Variants in PDGFB observed in about 807,000 individuals in gnomAD.
PDGFB encodes platelet derived growth factor subunit B, also known as platelet-derived growth factor subunit B.
PDGFB carries 6 observed loss-of-function variants against 29.0 expected under a neutral mutation model. The ratio of observed to expected loss-of-function variants is 0.21; its 90% CI spans 0.11 to 0.41. The LOEUF (loss-of-function observed/expected upper bound fraction) is 0.41, where lower values mean the gene tolerates loss of function less well. PDGFB is among the 10% of genes least tolerant of loss of function. PDGFB has a pLI of 1.00. For missense variants in PDGFB, 299 were observed against 341.8 expected (o/e 0.87, Z 0.99); for synonymous variants, 144 against 140.8 (o/e 1.02, Z -0.16).
At chr22:39,239,211 T>C (rs188316590) in intron 1 of PDGFB, among the ~76,000 whole-genome samples, 59 of 152,248 alleles carry the variant, frequency 3.9e-4, no homozygotes, top group Middle Eastern at 3.4e-3. Context: ...CAGCAGCGAG[T>C]GGCACACGTG....
In PDGFB at chr22:39,243,778, C is replaced by T. The variant is rs1932626815; in HGVS notation, c.63+123G>A. ...CCCAGCCCGAAGAGGTCACCCAGCG[C>T]CCGGCGTCAGGCTCGCGGGCTGCAA... On this transcript the variant is annotated intron_variant, in intron 1 of 6. Transcript: ENST00000331163. The surrounding 1 kb of genome is among the most constrained non-coding windows in gnomAD (Gnocchi z 6.4). 2 of 697,706 alleles carry T rather than the reference C, an allele frequency of 2.9e-6. No homozygotes were observed. Among genetic ancestry groups the T allele is most frequent in the South Asian group, 2.2e-5 (1 of 46,058 alleles). The allele number at this position is 697,706 out of a possible 1,614,324, so 43.2% of individuals were successfully genotyped here. A position where few individuals can be genotyped will look rare whatever the true frequency, so the allele number is the denominator to read the frequency against.
chr22:39,233,547 A>G, intron 2 of PDGFB, 23 bp from the exon 3 acceptor site: 1 of 1,553,336 alleles, frequency 6.4e-7, no homozygotes, highest in Non-Finnish European at 8.7e-7. Context: ...TCACAGTCAG[A>G]CACCAGGCGG....
intron 1 of PDGFB, 59 bp from the exon 2 acceptor site, chr22:39,235,933 T>C (rs1932433174): frequency 3.5e-6 from 4 of 1,139,808 alleles, no homozygotes; most frequent in Admixed American, 3.5e-5. Flanking sequence ...CCAGCATGGC[T>C]GTCTCCCCCA....
chr22:39,240,884 T>C lies in PDGFB; in HGVS notation c.63+3017A>G, dbSNP rs1224179220. 3 of 1,612,360 alleles carry C rather than the reference T, an allele frequency of 1.9e-6. No individual in the cohort carries two copies. In the Admixed American group the frequency reaches 5.0e-5, roughly 27 times the overall value. ...CCCATGATAAACATCTCACCATTCCTGCTCAGTCAGTCTCTCTCTCTCTCT... is the reference window on the plus strand; with the variant it reads ...CCCATGATAAACATCTCACCATTCCCGCTCAGTCAGTCTCTCTCTCTCTCT... On this transcript the variant is annotated intron_variant, in intron 1 of 6. Coordinates refer to ENST00000331163, the MANE Select transcript of PDGFB (RefSeq NM_002608.4).
intron 1 of PDGFB, chr22:39,240,974 C>A (rs1483296183): frequency 1.9e-5 from 25 of 1,315,124 alleles, no homozygotes; most frequent in Non-Finnish European, 2.7e-5. Context: ...GGCTCTTGCA[C>A]CAGATCCTCC....
chr22:39,241,842 C>T (rs542216535), intron 1 of PDGFB, among the ~76,000 whole-genome samples: 1 of 152,030 alleles, frequency 6.6e-6, no homozygotes. Flanking sequence ...TTTTCCACCA[C>T]GCGGAGGTGG....
In PDGFB at chr22:39,242,333, T is replaced by C; in HGVS notation, c.63+1568A>G. ...AGTCGGGGGCCCGGGCGGGGTGGGC[T>C]GCGGAGAGCAGCCACGGGGCGCCGC... is the stretch of plus-strand genomic sequence containing the variant. On this transcript the variant is annotated intron_variant, in intron 1 of 6. Coordinates refer to ENST00000331163, the MANE Select transcript of PDGFB (RefSeq NM_002608.4). The surrounding 1 kb of genome is among the most constrained non-coding windows in gnomAD (Gnocchi z 5.7). 5.4e-6 allele frequency: 1 copy of C among 185,998 alleles called. No individual in the cohort carries two copies. Among genetic ancestry groups the C allele is most frequent in the East Asian group, 8.9e-5 (1 of 11,226 alleles). 11.5% of individuals were successfully genotyped at this position (185,998 alleles called of 1,614,324 possible).
In PDGFB at chr22:39,231,460, C is replaced by G. The variant is rs1339510121; in HGVS notation, c.456+162G>C. On this transcript the variant is annotated intron_variant, in intron 4 of 6. Coordinates refer to ENST00000331163, the MANE Select transcript of PDGFB (RefSeq NM_002608.4). This position sits in a 1 kb window ranked among gnomAD's most constrained non-coding sequence, Gnocchi z 4.3. ...CAGTCCACCTGCCTAGGAAGAGCTT[C>G]CCAAGAGTGGGCCTCTCTGGACAGA... is the stretch of plus-strand genomic sequence containing the variant. Among the ~76,000 whole-genome samples, 2 of 151,690 alleles carry G rather than the reference C, an allele frequency of 1.3e-5. No individual in the cohort carries two copies. Among genetic ancestry groups the G allele is most frequent in the Non-Finnish European group, 2.9e-5 (2 of 67,912 alleles).
intron 4 of PDGFB, among the ~76,000 whole-genome samples, chr22:39,230,567 G>A (rs13053714): frequency 0.044 from 6,714 of 152,290 alleles, 159 homozygotes; most frequent in East Asian, 0.11. Context: ...CGGCAGAGGC[G>A]GGAGATGGTT....
At chr22:39,234,219 C>T (rs1397041247) in intron 2 of PDGFB, among the ~76,000 whole-genome samples, 10 of 152,212 alleles carry the variant, frequency 6.6e-5, no homozygotes, top group Non-Finnish European at 2.9e-5. Flanking sequence ...CCCACCTCTG[C>T]CCCCAGCCGT....
Position 39,231,495 on chromosome 22 carries a change from C to T in PDGFB, c.456+127G>A. 1.3e-6 allele frequency: 1 copy of T among 750,058 alleles called. No individual in the cohort carries two copies. Among genetic ancestry groups the T allele is most frequent in the Non-Finnish European group, 2.1e-6 (1 of 473,290 alleles). 46.5% of individuals were successfully genotyped at this position (750,058 alleles called of 1,614,324 possible). A position where few individuals can be genotyped will look rare whatever the true frequency, so the allele number is the denominator to read the frequency against. On this transcript the variant is annotated intron_variant, in intron 4 of 6. Coordinates refer to ENST00000331163, the MANE Select transcript of PDGFB (RefSeq NM_002608.4). This position sits in a 1 kb window ranked among gnomAD's most constrained non-coding sequence, Gnocchi z 4.3. ...GGCCTCTCTGGACAGAGCCCAGGAACAAATCAGGAATGTCCTTCGACACAC... is the reference window on the plus strand; with the variant it reads ...GGCCTCTCTGGACAGAGCCCAGGAATAAATCAGGAATGTCCTTCGACACAC...
At position 39,231,693 on chromosome 22, in the gene PDGFB, G is replaced by A; in HGVS notation, c.385C>T (p.Arg129Cys). 2 of 1,604,314 alleles carry A rather than the reference G, an allele frequency of 1.2e-6. No homozygotes were observed. Among genetic ancestry groups the A allele is most frequent in the Non-Finnish European group, 1.7e-6 (2 of 1,176,186 alleles). The change falls in exon 4 of 7, where the codon CGC (arginine) becomes TGC (cysteine). Residue 129 changes from arginine to cysteine, a missense_variant. By Grantham distance (180) the Arg-to-Cys change is radical. Transcript: ENST00000331163. This position sits in a 1 kb window ranked among gnomAD's most constrained non-coding sequence, Gnocchi z 4.3. ...LVWPPCVEVQ[R>C]CSGCCNNRNV... ...CGGTTGTTGCAGCAGCCGGAGCAGC[G>A]CTGCACCTCCACACAGGGCGGCCAC...
At chr22:39,225,885 C>G in intron 5 of PDGFB, 38 bp from the exon 6 acceptor site, 1 of 1,590,458 alleles carries the variant, frequency 6.3e-7, no homozygotes, top group Non-Finnish European at 8.6e-7. Context: ...AGCATGTGGA[C>G]CATTGGGGAG....
At position 39,243,439 on chromosome 22, in the gene PDGFB, A is replaced by G. The variant is rs1320782262; in HGVS notation, c.63+462T>C. On this transcript the variant is annotated intron_variant, in intron 1 of 6. Coordinates refer to ENST00000331163, the MANE Select transcript of PDGFB (RefSeq NM_002608.4). This position sits in a 1 kb window ranked among gnomAD's most constrained non-coding sequence, Gnocchi z 6.4. ...CCAGGGTGGGACCCGAGCCCCGTCA[A>G]AGGTCGGCGTGGATGGCACCGGTGC... Among the ~76,000 whole-genome samples the G allele has an allele frequency of 6.6e-6, 1 of 152,036 alleles. No homozygotes were observed. Among genetic ancestry groups the G allele is most frequent in the East Asian group, 1.9e-4 (1 of 5,164 alleles).
chr22:39,236,803 G>T (rs1310608726), intron 1 of PDGFB, among the ~76,000 whole-genome samples: 1 of 152,200 alleles, frequency 6.6e-6, no homozygotes, highest in African/African-American at 2.4e-5. Flanking sequence ...GAGAAGCAAA[G>T]AAAATTCCTA....
In PDGFB at chr22:39,231,901, G is replaced by A. The variant is rs1211424483; in HGVS notation, c.251-74C>T. 3.9e-6 allele frequency: 5 copies of A among 1,274,180 alleles called. No individual in the cohort carries two copies. The highest frequency in any genetic ancestry group is 2.9e-5 in the African/African-American group (2 of 68,238). 78.9% of individuals were successfully genotyped at this position (1,274,180 alleles called of 1,614,324 possible). On this transcript the variant is annotated intron_variant, in intron 3 of 6. Transcript: ENST00000331163. The surrounding 1 kb of genome is among the most constrained non-coding windows in gnomAD (Gnocchi z 4.3). Reference sequence around the variant, plus strand: ...CCCCCACTTGGCAGGGGAGCTCAGCGGGTGCCTCCGGGACTGCTCTTTCTC... The same window carrying A: ...CCCCCACTTGGCAGGGGAGCTCAGCAGGTGCCTCCGGGACTGCTCTTTCTC...
chr22:39,233,489 G>T lies in PDGFB; in HGVS notation c.196C>A (p.Arg66Ser). The change falls in exon 3 of 7, where the codon CGC becomes AGC. Residue 66 changes from arginine to serine, a missense_variant. Transcript: ENST00000331163. Reference sequence around the variant, plus strand: ...TCCAGCTCGCCTCCAGAGTGGGAGCGGGTCATGTTCAGGTCCAACTCGGCC... The same window carrying T: ...TCCAGCTCGCCTCCAGAGTGGGAGCTGGTCATGTTCAGGTCCAACTCGGCC... ...DGAELDLNMT[R>S]SHSGGELESL... The T allele has an allele frequency of 6.3e-7, 1 of 1,596,032 alleles. No individual in the cohort carries two copies. Among genetic ancestry groups the T allele is most frequent in the Non-Finnish European group, 8.5e-7 (1 of 1,172,058 alleles).
chr22:39,235,869 G>T lies in PDGFB; in HGVS notation c.69C>A (p.Asp23Glu). The T allele has an allele frequency of 1.2e-6, 2 of 1,612,776 alleles. No homozygotes were observed. The highest frequency in any genetic ancestry group is 1.7e-6 in the Non-Finnish European group (2 of 1,179,126). Residue 23 changes from aspartate to glutamate, a missense_variant, in exon 2 of 7, where the codon GAC (aspartate) becomes GAA (glutamate). Coordinates refer to ENST00000331163, the MANE Select transcript of PDGFB (RefSeq NM_002608.4). ...CYLRLVSAEG[D>E]PIPEELYEML... Reference sequence around the variant, plus strand: ...TCTCATAAAGCTCCTCGGGAATGGGGTCCCCCTGCCGGGCAGACACCAAAA... The same window carrying T: ...TCTCATAAAGCTCCTCGGGAATGGGTTCCCCCTGCCGGGCAGACACCAAAA...
Position 39,231,671 on chromosome 22 carries a change from T to C in PDGFB, c.407A>G (p.Asn136Ser), listed in dbSNP as rs960375709. 6.3e-7 allele frequency: 1 copy of C among 1,595,740 alleles called. No homozygotes were observed. The highest frequency in any genetic ancestry group is 8.5e-7 in the Non-Finnish European group (1 of 1,172,150). ...GGTGGGGCGGCACTGCACGTTGCGG[T>C]TGTTGCAGCAGCCGGAGCAGCGCTG... ...EVQRCSGCCN[N>S]RNVQCRPTQV... Residue 136 changes from asparagine (N) to serine (S), a missense_variant, in exon 4 of 7, where the codon AAC (asparagine) becomes AGC (serine). Physicochemically the swap from Asn to Ser is conservative, Grantham distance 46. Transcript: ENST00000331163. This position sits in a 1 kb window ranked among gnomAD's most constrained non-coding sequence, Gnocchi z 4.3.
Sources: gnomAD v4.1 joint callset for allele counts (sites outside exome capture counted in the v4.1 genomes callset) on GRCh38, gnomAD v4.1.1 for gene constraint, Gnocchi (gnomAD v3.1) non-coding constraint, MANE v1.5 for transcripts, NCBI Gene and HGNC (gene_info 2026-07-23, HGNC 2026-07-21) for gene names.